AEBP2: variants seen among roughly 807,000 people sequenced by gnomAD.
The protein encoded by AEBP2 is AE binding protein 2.
Under a neutral mutation model 50.8 loss-of-function variants are expected in AEBP2, and 10 were observed. The observed-to-expected ratio is 0.20, with a 90% CI of 0.12 to 0.33. The LOEUF is 0.33. AEBP2 is among the 10% of genes least tolerant of loss of function. The pLI is 1.00. For synonymous variants in AEBP2, 296 were observed against 261.3 expected (o/e 1.13, Z -1.28); for missense variants, 570 against 688.0 (o/e 0.83, Z 1.92).
intron 5 of AEBP2, among the ~76,000 whole-genome samples, chr12:19,510,656 T>C (rs1592783644): frequency 1.3e-5 from 2 of 152,314 alleles, no homozygotes; most frequent in East Asian, 1.9e-4. Context: ...AGTCTAGATA[T>C]GTTAATTGGG....
chr12:19,475,373 C>T (rs555758024), intron 3 of AEBP2, among the ~76,000 whole-genome samples: 9 of 152,260 alleles, frequency 5.9e-5, no homozygotes, highest in South Asian at 4.1e-4. Context: ...TCTCCAACTC[C>T]ATCCAGGTTT....
chr12:19,465,218 C>G (rs762519340), intron 2 of AEBP2, among the ~76,000 whole-genome samples: 104 of 151,718 alleles, frequency 6.9e-4, no homozygotes, highest in Non-Finnish European at 4.1e-4. Context: ...TATGGTGAAA[C>G]CCCGTCTCTA....
At chr12:19,413,131 C>G (rs1028598094) in intron 1 of AEBP2, 8 of 712,580 alleles carry the variant, frequency 1.1e-5, no homozygotes, top group Admixed American at 1.9e-5. Flanking sequence ...TTCATTTGTT[C>G]TGACCCAAGT....
chr12:19,428,714 G>A (rs1026468531), intron 1 of AEBP2, among the ~76,000 whole-genome samples: 3 of 152,130 alleles, frequency 2.0e-5, no homozygotes, highest in Non-Finnish European at 2.9e-5. Context: ...TTGGGAGGGT[G>A]AGGCAGGAGA....
intron 3 of AEBP2, among the ~76,000 whole-genome samples, chr12:19,479,717 GTTTTTTTTTT>G (rs369410408): frequency 2.6e-3 from 58 of 22,348 alleles, no homozygotes; most frequent in East Asian, 0.014. Flanking sequence ...CTCTTTGTGG[GTTTTTTTTTT>G]TTTTTTTTTT....
At chr12:19,452,949 T>C (rs1259153414) in intron 1 of AEBP2, among the ~76,000 whole-genome samples, 1 of 149,808 alleles carries the variant, frequency 6.7e-6, no homozygotes, top group Non-Finnish European at 1.5e-5. Context: ...AAAACTATTA[T>C]AGACTTACGT....
chr12:19,419,966 A>G (rs1047740810), intron 1 of AEBP2, among the ~76,000 whole-genome samples: 2 of 151,880 alleles, frequency 1.3e-5, no homozygotes, highest in Admixed American at 1.3e-4. Context: ...CGGTATCTAT[A>G]TACCTATATA....
Position 19,521,462 on chromosome 12 carries a change from GT to G in AEBP2, c.*3346del. On this transcript the variant is annotated 3_prime_UTR_variant, in exon 8 of 8. Coordinates refer to ENST00000266508, the MANE Select transcript of AEBP2 (RefSeq NM_153207.5). ...TTGTACATCAGATTGTGTTTGAACC[GT>G]AAGGCACATCTGCTTTATCTAAAAG... 1 of 152,186 alleles carries G rather than the reference GT, an allele frequency of 6.6e-6. No homozygotes were observed. The highest frequency in any genetic ancestry group is 1.9e-4 in the East Asian group (1 of 5,190). The allele number at this position is 152,186 out of a possible 1,614,324, so 9.4% of individuals were successfully genotyped here. A position where few individuals can be genotyped will look rare whatever the true frequency, so the allele number is the denominator to read the frequency against.
intron 2 of AEBP2, chr12:19,466,817 C>T: frequency 5.1e-6 from 5 of 984,432 alleles, no homozygotes; most frequent in Non-Finnish European, 6.0e-6. Context: ...TTTTATGCTT[C>T]TGATTATTGA....
chr12:19,450,123 A>G (rs1166271036), intron 1 of AEBP2, among the ~76,000 whole-genome samples: 1 of 152,214 alleles, frequency 6.6e-6, no homozygotes, highest in African/African-American at 2.4e-5. Flanking sequence ...AGGTAGCCTT[A>G]CAGAATCTGA....
At chr12:19,415,156 A>T in intron 1 of AEBP2, among the ~76,000 whole-genome samples, 1 of 150,130 alleles carries the variant, frequency 6.7e-6, no homozygotes, top group Non-Finnish European at 1.5e-5. Flanking sequence ...CTAAAAAAAA[A>T]TACAAAAATT....
chr12:19,478,582 G>A (rs543813292), intron 3 of AEBP2, among the ~76,000 whole-genome samples: 2 of 152,132 alleles, frequency 1.3e-5, no homozygotes, highest in Non-Finnish European at 2.9e-5. Context: ...CAACCACCTT[G>A]CCTGGCATTT....
At chr12:19,503,651 G>A (rs939994566) in intron 5 of AEBP2, among the ~76,000 whole-genome samples, 6 of 151,664 alleles carry the variant, frequency 4.0e-5, no homozygotes, top group African/African-American at 1.5e-4. Flanking sequence ...GTGTTGAATA[G>A]GAATGGTGAG....
At chr12:19,473,430 GA>G (rs1220264836) in intron 3 of AEBP2, 75 bp downstream of exon 3, 2 of 560,492 alleles carry the variant, frequency 3.6e-6, no homozygotes, top group African/African-American at 4.4e-5. Flanking sequence ...TATGACAGAA[GA>G]GTCTCACTCT....
At chr12:19,469,189 G>A (rs1313033935) in intron 2 of AEBP2, among the ~76,000 whole-genome samples, 2 of 152,230 alleles carry the variant, frequency 1.3e-5, no homozygotes, top group East Asian at 3.9e-4. Context: ...GCCTCTCAGA[G>A]TGCTGGGATT....
chr12:19,508,878 C>T (rs1402735012), intron 5 of AEBP2: 5 of 247,540 alleles, frequency 2.0e-5, no homozygotes, highest in Admixed American at 4.0e-5. Flanking sequence ...CTTCCTCTTC[C>T]GGAACGTTGT....
chr12:19,438,251 G>A (rs564420100), upstream of AEBP2, among the ~76,000 whole-genome samples: 15 of 152,274 alleles, frequency 9.9e-5, no homozygotes, highest in African/African-American at 3.6e-4. Flanking sequence ...CCTAATCAGA[G>A]TTGTCAGCTG....
intron 1 of AEBP2, among the ~76,000 whole-genome samples, chr12:19,406,523 A>G: frequency 6.6e-6 from 1 of 152,004 alleles, no homozygotes. Context: ...TACTAAAAAT[A>G]CAGAAAATAG....
At chr12:19,493,394 G>A (rs1948923409) in intron 3 of AEBP2, among the ~76,000 whole-genome samples, 1 of 152,016 alleles carries the variant, frequency 6.6e-6, no homozygotes, top group African/African-American at 2.4e-5. Context: ...ACAATACGCT[G>A]TCTCAAAAAA....
Sources: allele counts gnomAD v4.1 joint callset (sites outside exome capture counted in the v4.1 genomes callset), GRCh38; gene constraint gnomAD v4.1.1; transcripts MANE v1.5; gene names NCBI Gene and HGNC (gene_info 2026-07-23, HGNC 2026-07-21).